EPHA3: variants seen among roughly 807,000 people sequenced by gnomAD.
The protein encoded by EPHA3 is ephrin type-A receptor 3.
A neutral mutation model predicts 107.1 loss-of-function variants in EPHA3; 42 were observed. The observed-to-expected ratio is 0.39, with a 90% confidence interval of 0.31 to 0.51. The LOEUF (loss-of-function observed/expected upper bound fraction) is 0.51, where lower values mean the gene tolerates loss of function less well. Among genes scored for constraint, EPHA3 ranks in the 20% least tolerant of loss-of-function variants. The pLI is 0.78. For missense variants in EPHA3, 1,183 were observed against 1,211.2 expected, an observed-to-expected ratio of 0.98 and a Z score of 0.35; for synonymous variants, 461 against 424.8, an observed-to-expected ratio of 1.09 and a Z score of -1.05.
intron 3 of EPHA3, among the ~76,000 whole-genome samples, chr3:89,334,858 C>T (rs1707359801): frequency 6.6e-6 from 1 of 152,114 alleles, no homozygotes; most frequent in Non-Finnish European, 1.5e-5. Context: ...TCAAAACATG[C>T]CATTTCCCGC....
intron 2 of EPHA3, among the ~76,000 whole-genome samples, chr3:89,167,130 A>G (rs1432858117): frequency 6.6e-6 from 1 of 152,196 alleles, no homozygotes; most frequent in East Asian, 1.9e-4. Context: ...ATTTGTTTTA[A>G]TGGACAGATA....
chr3:89,341,095 T>G, intron 4 of EPHA3, 24 bp downstream of exon 4: 5 of 1,605,536 alleles, frequency 3.1e-6, no homozygotes, highest in Non-Finnish European at 4.2e-6. Context: ...CTGCAACCCA[T>G]GCCTCCATGT....
At chr3:89,266,414 T>A (rs1247560734) in intron 3 of EPHA3, among the ~76,000 whole-genome samples, 1 of 152,188 alleles carries the variant, frequency 6.6e-6, no homozygotes, top group Non-Finnish European at 1.5e-5. Context: ...ATCTTCACAT[T>A]ATTAGACTTT....
chr3:89,395,862 G>T lies in EPHA3; in HGVS notation c.1332G>T (p.Lys444Asn), dbSNP rs1348993609. 2 of 1,613,824 alleles carry T rather than the reference G, an allele frequency of 1.2e-6. No homozygotes were observed. Among genetic ancestry groups the T allele is most frequent in the Non-Finnish European group, 1.7e-6 (2 of 1,179,944 alleles). The change falls in exon 6 of 17, where the codon AAG becomes AAT. Residue 444 changes from lysine (K) to asparagine (N), a missense_variant. By Grantham distance (94) the Lys-to-Asn change is moderately conservative. Coordinates refer to ENST00000336596, the MANE Select transcript of EPHA3 (RefSeq NM_005233.6). Reference sequence around the variant, plus strand: ...CTCCATCACCTGTCCTGACGATTAAGAAAGATCGGACCTCCAGAAATAGCA... The same window carrying T: ...CTCCATCACCTGTCCTGACGATTAATAAAGATCGGACCTCCAGAAATAGCA... The part of the protein sequence containing the change: ...QAAPSPVLTI[K>N]KDRTSRNSIS...
At chr3:89,153,857 C>T (rs1704738428) in intron 2 of EPHA3, among the ~76,000 whole-genome samples, 1 of 152,018 alleles carries the variant, frequency 6.6e-6, no homozygotes, top group African/African-American at 2.4e-5. Context: ...ACCTGCAAGG[C>T]TCATCATGAT....
rs113741470 is a variant in EPHA3 at position 89,330,266 on chromosome 3, T to A, written c.815-10650T>A. The stretch of plus-strand genomic sequence containing the variant: ...AAACAGACCCTAAAATTACACTAAC[T>A]CTTACTTTATTTTTCTGTTACCTGA... On this transcript the variant is annotated intron_variant, in intron 3 of 16. Transcript: ENST00000336596. Among the ~76,000 whole-genome samples the A allele has an allele frequency of 4.7e-3, 710 of 152,154 alleles. 5 individuals are homozygous for A. The highest frequency in any genetic ancestry group is 0.016 in the African/African-American group (678 of 41,538).
chr3:89,418,958 G>A (rs1297368481), intron 10 of EPHA3, among the ~76,000 whole-genome samples: 2 of 151,302 alleles, frequency 1.3e-5, no homozygotes, highest in Non-Finnish European at 3.0e-5. Context: ...TATTTATAGT[G>A]TCGTACTTTA....
intron 5 of EPHA3, 86 bp from the exon 6 acceptor site, chr3:89,395,751 C>T (rs890964616): frequency 6.0e-6 from 9 of 1,488,224 alleles, no homozygotes; most frequent in Non-Finnish European, 8.3e-6. Context: ...TTTGCATGTT[C>T]CCTTCTCCCT....
chr3:89,429,408 T>G (rs1280824613), intron 12 of EPHA3, among the ~76,000 whole-genome samples: 2 of 152,106 alleles, frequency 1.3e-5, no homozygotes, highest in Admixed American at 1.3e-4. Context: ...CTTTTTATAC[T>G]GCCAAGATTC....
chr3:89,225,932 C>T (rs1441351906), intron 3 of EPHA3, among the ~76,000 whole-genome samples: 2 of 152,086 alleles, frequency 1.3e-5, no homozygotes, highest in Non-Finnish European at 2.9e-5. Flanking sequence ...TCTTCTATGC[C>T]TCAGTAAACT....
At chr3:89,403,618 A>G (rs1356479940) in intron 7 of EPHA3, among the ~76,000 whole-genome samples, 1 of 152,230 alleles carries the variant, frequency 6.6e-6, no homozygotes, top group African/African-American at 2.4e-5. Flanking sequence ...ATGTTTGGAA[A>G]AGCAGATAGT....
At chr3:89,281,720 A>AT (rs1230671855) in intron 3 of EPHA3, among the ~76,000 whole-genome samples, 1 of 152,178 alleles carries the variant, frequency 6.6e-6, no homozygotes, top group Non-Finnish European at 1.5e-5. Flanking sequence ...TCAAGGAGAA[A>AT]TTTAGAACAT....
At chr3:89,150,047 G>T (rs1437714256) in intron 2 of EPHA3, among the ~76,000 whole-genome samples, 1 of 151,956 alleles carries the variant, frequency 6.6e-6, no homozygotes, top group Non-Finnish European at 1.5e-5. Flanking sequence ...AAGGTCCTGT[G>T]GTTGTACATC....
At chr3:89,438,539 C>T (rs1238164130) in intron 13 of EPHA3, among the ~76,000 whole-genome samples, 1 of 151,998 alleles carries the variant, frequency 6.6e-6, no homozygotes, top group South Asian at 2.1e-4. Flanking sequence ...AAAACAGGAG[C>T]CTTTGTTCTG....
intron 11 of EPHA3, among the ~76,000 whole-genome samples, chr3:89,424,403 C>T (rs774876928): frequency 3.3e-5 from 5 of 151,254 alleles, no homozygotes; most frequent in Non-Finnish European, 7.4e-5. Context: ...CCCAAACAAA[C>T]ACAAACAAAC....
At chr3:89,153,776 T>C (rs1454922694) in intron 2 of EPHA3, among the ~76,000 whole-genome samples, 3 of 152,070 alleles carry the variant, frequency 2.0e-5, no homozygotes, top group Non-Finnish European at 4.4e-5. Context: ...TCTACTTATC[T>C]CACTCCTTTG....
intron 13 of EPHA3, 90 bp from the exon 14 acceptor site, chr3:89,449,135 T>G: frequency 8.4e-5 from 103 of 1,223,550 alleles, no homozygotes; most frequent in Middle Eastern, 2.1e-4. Context: ...AGAAATACTA[T>G]GAGAAATTCT....
At chr3:89,373,785 TCTA>T (rs1708350396) in intron 5 of EPHA3, among the ~76,000 whole-genome samples, 1 of 151,888 alleles carries the variant, frequency 6.6e-6, no homozygotes, top group Non-Finnish European at 1.5e-5. Context: ...GGATCAGGCT[TCTA>T]TTTGTGGGTT....
rs1576205539 is a variant in EPHA3 at position 89,175,925 on chromosome 3, T to G, written c.154-33935T>G. ...TATTCTGTTGTTATTGTTGTTTTTT[T>G]ACAGTTGTTTTCGTTTTGGCCACCA... On this transcript the variant is annotated intron_variant, in intron 2 of 16. Transcript: ENST00000336596. Among the ~76,000 whole-genome samples the G allele has an allele frequency of 3.3e-5, 5 of 152,298 alleles. No homozygotes were observed. In the East Asian group the frequency reaches 9.7e-4, roughly 29 times the overall value.
Sources: allele counts gnomAD v4.1 joint callset (sites outside exome capture counted in the v4.1 genomes callset), GRCh38; gene constraint gnomAD v4.1.1; transcripts MANE v1.5; gene names NCBI Gene and HGNC (gene_info 2026-07-23, HGNC 2026-07-21).